The following SMC2 variants were observed in gnomAD, a reference collection of about 807,000 sequenced individuals.
SMC2 encodes structural maintenance of chromosomes protein 2.
In SMC2, 41 loss-of-function variants were observed where a neutral mutation model predicts 142.6. The observed-to-expected ratio is 0.29, with a 90% CI of 0.22 to 0.37. SMC2 has a LOEUF of 0.37. SMC2 is among the 10% of genes least tolerant of loss of function. SMC2 has a pLI of 1.00. For missense variants in SMC2, 1,265 were observed against 1,373.7 expected, an observed-to-expected ratio of 0.92 and a Z score of 1.25; for synonymous variants, 463 against 457.5, an observed-to-expected ratio of 1.01 and a Z score of -0.15.
chr9:104,128,404 G>A (rs1834551197), intron 20 of SMC2, among the ~76,000 whole-genome samples: 1 of 152,110 alleles, frequency 6.6e-6, no homozygotes, highest in African/African-American at 2.4e-5. Context: ...AATTGAAAAT[G>A]CTAGTACTGG....
intron 9 of SMC2, among the ~76,000 whole-genome samples, chr9:104,103,932 G>A (rs998719219): frequency 2.6e-5 from 4 of 151,252 alleles, no homozygotes; most frequent in Admixed American, 1.3e-4. Flanking sequence ...TTTTTTTTAG[G>A]TGAGGTTTGT....
At chr9:104,114,334 A>G (rs77547052) in intron 12 of SMC2, among the ~76,000 whole-genome samples, 8,635 of 152,242 alleles carry the variant, frequency 0.057, 655 homozygotes, top group African/African-American at 0.18. Flanking sequence ...TCTCAGTTCA[A>G]AATGTCTTCA....
At chr9:104,102,626 C>T in intron 9 of SMC2, 53 bp downstream of exon 9, 8 of 1,487,062 alleles carry the variant, frequency 5.4e-6, no homozygotes, top group Non-Finnish European at 7.3e-6. Flanking sequence ...TATATAGTCT[C>T]ATTAGTGTAC....
chr9:104,112,700 C>T (rs1832615037), intron 10 of SMC2, among the ~76,000 whole-genome samples: 1 of 151,922 alleles, frequency 6.6e-6, no homozygotes, highest in African/African-American at 2.4e-5. Flanking sequence ...TGGAGGATAC[C>T]CCCATCTAAA....
intron 9 of SMC2, among the ~76,000 whole-genome samples, 173 bp from the exon 10 acceptor site, chr9:104,111,408 T>G (rs776922704): frequency 1.3e-5 from 2 of 152,182 alleles, no homozygotes; most frequent in Non-Finnish European, 2.9e-5. Flanking sequence ...TTCTAAAAAC[T>G]GAGAGTGAAT....
rs1323867401 is a variant in SMC2, at chr9:104,116,396, GGGACATAATCATAT to G, written c.1791+79_1791+92del. On this transcript the variant is annotated intron_variant, in intron 14 of 24. Transcript: ENST00000374793. ...TTAAGTTAGAAGACATTAATTTTGA[GGGACATAATCATAT>G]GCAGAACCACAAAATTAAAATACAA... The G allele has an allele frequency of 2.7e-5, 37 of 1,372,648 alleles. No homozygotes were observed. In the African/African-American group the frequency reaches 5.1e-4, roughly 19 times the overall value. The allele number at this position is 1,372,648 out of a possible 1,614,324, so 85.0% of individuals were successfully genotyped here.
intron 14 of SMC2, 55 bp from the exon 15 acceptor site, chr9:104,118,116 A>G (rs1833334615): frequency 2.2e-6 from 3 of 1,379,892 alleles, no homozygotes; most frequent in Non-Finnish European, 2.0e-6. Flanking sequence ...ATAAAATCAT[A>G]TCTGAAAGGA....
chr9:104,102,095 G>A lies in SMC2; in HGVS notation c.772G>A (p.Asp258Asn). 3.7e-6 allele frequency: 6 copies of A among 1,606,646 alleles called. No individual in the cohort carries two copies. The highest frequency in any genetic ancestry group is 5.1e-6 in the Non-Finnish European group (6 of 1,174,258). The change falls in exon 8 of 25, where the codon GAT (aspartate) becomes AAT (asparagine). Residue 258 changes from aspartate (D) to asparagine (N), a missense_variant. Physicochemically the swap from Asp to Asn is conservative, Grantham distance 23. This residue lies in a region of SMC2 where 898 missense variants were observed against 904.2 expected (regional missense o/e 0.99). Transcript: ENST00000374793. ...AGCTGAGGAATTAAAAGAAATGCAAGATAAAGTTATAAAGCTTCAGGAAGA... is the reference window on the plus strand; with the variant it reads ...AGCTGAGGAATTAAAAGAAATGCAAAATAAAGTTATAAAGCTTCAGGAAGA... ...RSAEELKEMQ[D>N]KVIKLQEELS...
Position 104,125,012 on chromosome 9 carries a change from A to G in SMC2, c.2358A>G (p.Glu786=), listed in dbSNP as rs759248023. The G allele has an allele frequency of 6.2e-7, 1 of 1,608,646 alleles. No homozygotes were observed. The change falls in exon 18 of 25, where the codon GAA becomes GAG. Residue 786 remains glutamate (E), a synonymous_variant. Coordinates refer to ENST00000374793, the MANE Select transcript of SMC2 (RefSeq NM_006444.3). ...ATAAAATGAAAAATGCAGAAGCTGA[A>G]AGAGAGCGAGAACTGAAAGATGCTC... The part of the protein sequence containing the change: ...LENKMKNAEA[E]RERELKDAQK...
At chr9:104,123,592 T>TAAG (rs1833959114) in intron 17 of SMC2, among the ~76,000 whole-genome samples, 1 of 152,218 alleles carries the variant, frequency 6.6e-6, no homozygotes, top group South Asian at 2.1e-4. Flanking sequence ...GATCTTTTTT[T>TAAG]GTATGTTCAT....
rs1458464312 is a variant in SMC2 at position 104,114,724 on chromosome 9, G to A, written c.1566G>A (p.Val522=). ...DPEKNWNRNC[V]KGLVASLISV... ...AGAAGAACTGGAATAGAAATTGTGTGAAAGGACTTGTGGCTTCTCTGATTA... is the reference window on the plus strand; with the variant it reads ...AGAAGAACTGGAATAGAAATTGTGTAAAAGGACTTGTGGCTTCTCTGATTA... The change falls in exon 13 of 25, where the codon GTG becomes GTA. Residue 522 remains valine, a synonymous_variant. Transcript: ENST00000374793. 1 of 1,612,688 alleles carries A rather than the reference G, an allele frequency of 6.2e-7. No homozygotes were observed. The highest frequency in any genetic ancestry group is 1.7e-5 in the Admixed American group (1 of 59,924).
In SMC2 at chr9:104,113,586, A is replaced by G. The variant is rs1832736641; in HGVS notation, c.1414+111A>G. 6.1e-6 allele frequency: 5 copies of G among 822,476 alleles called. No homozygotes were observed. In the South Asian group the frequency reaches 7.1e-5, roughly 12 times the overall value. 50.9% of individuals were successfully genotyped at this position (822,476 alleles called of 1,614,324 possible). ...GTAGGAAACATTTCTTAGCCTATTAACAAGCATTAGTATAAGAAGTGTTGT... is the reference window on the plus strand; with the variant it reads ...GTAGGAAACATTTCTTAGCCTATTAGCAAGCATTAGTATAAGAAGTGTTGT... On this transcript the variant is annotated intron_variant, in intron 11 of 24. Coordinates refer to ENST00000374793, the MANE Select transcript of SMC2 (RefSeq NM_006444.3).
rs1303747203 is a variant in SMC2, at chr9:104,139,993, A to G, written c.*678A>G. On this transcript the variant is annotated 3_prime_UTR_variant, in exon 25 of 25. Transcript: ENST00000374793. ...TTAATAATTGGTCTCTACGACTTTA[A>G]TGTTTTTGTTTTTTTAAGCTGTGTA... The G allele has an allele frequency of 6.6e-6, 1 of 152,028 alleles. No homozygotes were observed. The highest frequency in any genetic ancestry group is 1.5e-5 in the Non-Finnish European group (1 of 67,970). 9.4% of individuals were successfully genotyped at this position (152,028 alleles called of 1,614,324 possible).
Position 104,118,171 on chromosome 9 carries a change from G to A in SMC2, c.1792G>A (p.Val598Ile). Reference sequence around the variant, plus strand: ...TGGCATATCTGTTGTTGTCCCACAGGTTGGCCCTGACAACGTTCATGTGGC... The same window carrying A: ...TGGCATATCTGTTGTTGTCCCACAGATTGGCCCTGACAACGTTCATGTGGC... ...PETLRVAQNLVGPDNVHVALS... is the reference protein window; with the variant it reads ...PETLRVAQNLIGPDNVHVALS... Residue 598 changes from valine (V) to isoleucine (I), a missense_variant and splice_region_variant, in exon 15 of 25, where the codon GTT (valine) becomes ATT (isoleucine). Physicochemically the swap from Val to Ile is conservative, Grantham distance 29. Transcript: ENST00000374793. 6.2e-7 allele frequency: 1 copy of A among 1,613,426 alleles called. No homozygotes were observed.
At position 104,116,280 on chromosome 9, in the gene SMC2, A is replaced by C. The variant is rs988464594; in HGVS notation, c.1752A>C (p.Arg584Ser). The change falls in exon 14 of 25, where the codon AGA becomes AGC. Residue 584 changes from arginine (R) to serine (S), a missense_variant. By Grantham distance (110) the Arg-to-Ser change is moderately radical. Around this residue, in one of 4 missense-constraint regions of SMC2, gnomAD observed 898 missense variants for 904.2 expected, o/e 0.99. Transcript: ENST00000374793. ...TTCCACTCAATAAAATTTCAGCCAG[A>C]TGTATTGCACCAGAAACTCTGAGAG... is the stretch of plus-strand genomic sequence containing the variant. The part of the protein sequence containing the change: ...TIIPLNKISA[R>S]CIAPETLRVA... 54 of 1,609,140 alleles carry C rather than the reference A, an allele frequency of 3.4e-5. No individual in the cohort carries two copies. Among genetic ancestry groups the C allele is most frequent in the Non-Finnish European group, 4.5e-5 (53 of 1,178,284 alleles).
At chr9:104,132,191 T>C in intron 22 of SMC2, 66 bp downstream of exon 22, 1 of 821,212 alleles carries the variant, frequency 1.2e-6, no homozygotes, top group South Asian at 1.6e-5. Context: ...GGAGTTATAC[T>C]CTATAAGAAA....
chr9:104,104,258 G>A (rs1383601346), intron 9 of SMC2, among the ~76,000 whole-genome samples: 1 of 152,164 alleles, frequency 6.6e-6, no homozygotes. Flanking sequence ...TTACCAACTT[G>A]TCTGAAGCCA....
At chr9:104,134,801 CAAATATTAGA>C (rs1157992870) in intron 23 of SMC2, among the ~76,000 whole-genome samples, 4 of 151,988 alleles carry the variant, frequency 2.6e-5, no homozygotes, top group African/African-American at 9.7e-5. Flanking sequence ...AATCTATTTT[CAAATATTAGA>C]AAATGAATAG....
intron 7 of SMC2, among the ~76,000 whole-genome samples, chr9:104,100,820 A>C (rs1831034945): frequency 6.6e-6 from 1 of 152,258 alleles, no homozygotes; most frequent in Non-Finnish European, 1.5e-5. Context: ...AATTATTGCT[A>C]TCAAGGTATT....
Sources: allele counts gnomAD v4.1 joint callset (sites outside exome capture counted in the v4.1 genomes callset), GRCh38; gene constraint gnomAD v4.1.1; regional missense constraint gnomAD v4.1.1; transcripts MANE v1.5; gene names NCBI Gene and HGNC (gene_info 2026-07-23, HGNC 2026-07-21).